The following RFTN1 variants were observed in gnomAD, a reference collection of about 807,000 sequenced individuals.
RFTN1 encodes raftlin, lipid raft linker 1.
Under a neutral mutation model 46.5 loss-of-function variants are expected in RFTN1, and 26 were observed. The observed-to-expected ratio is 0.56, with a 90% CI of 0.41 to 0.78. RFTN1 has a LOEUF of 0.78. RFTN1 is among the 30% of genes least tolerant of loss of function. The pLI, the probability that RFTN1 is intolerant of heterozygous loss-of-function variation, is 0.00. For synonymous variants in RFTN1, 261 were observed against 284.2 expected, an observed-to-expected ratio of 0.92 and a Z score of 0.82; for missense variants, 693 against 718.7, an observed-to-expected ratio of 0.96 and a Z score of 0.41.
At position 16,345,263 on chromosome 3, in the gene RFTN1, GTTGTGTGTGTGTGTGTGT is replaced by G. The variant is rs959855932; in HGVS notation, c.1146+12651_1146+12668del. On this transcript the variant is annotated intron_variant, in intron 7 of 9. Coordinates refer to ENST00000334133, the MANE Select transcript of RFTN1 (RefSeq NM_015150.2). The surrounding 1 kb of genome is among the most constrained non-coding windows in gnomAD (Gnocchi z 5.2). ...GAAACTGTAAGATAATAAGTAGGTG[GTTGTGTGTGTGTGTGTGT>G]GTGTGTGTGTGTGTGTGTGTTTAAA... The G allele has an allele frequency of 2.6e-5, 2 of 75,582 alleles. No homozygotes were observed. The highest frequency in any genetic ancestry group is 1.6e-4 in the African/African-American group (2 of 12,576). The allele number at this position is 75,582 out of a possible 1,614,324, so 4.7% of individuals were successfully genotyped here. A position where few individuals can be genotyped will look rare whatever the true frequency, so the allele number is the denominator to read the frequency against.
chr3:16,339,579 CA>C (rs762976448), intron 7 of RFTN1: 1 of 152,212 alleles, frequency 6.6e-6, no homozygotes, highest in Non-Finnish European at 1.5e-5. Flanking sequence ...TGAGACCTAC[CA>C]CGGGACAAAC....
At chr3:16,436,715 T>C (rs1004515529) in intron 2 of RFTN1, among the ~76,000 whole-genome samples, 3 of 152,222 alleles carry the variant, frequency 2.0e-5, no homozygotes, top group African/African-American at 7.2e-5. Context: ...TGAGATGCCA[T>C]ATATCATATG....
In RFTN1 at chr3:16,337,546, A is replaced by T. The variant is rs796673165; in HGVS notation, c.1147-10670T>A. Among the ~76,000 whole-genome samples, 17 of 151,998 alleles carry T rather than the reference A, an allele frequency of 1.1e-4. No individual in the cohort carries two copies. The highest frequency in any genetic ancestry group is 4.1e-4 in the African/African-American group (17 of 41,448). On this transcript the variant is annotated intron_variant, in intron 7 of 9. Coordinates refer to ENST00000334133, the MANE Select transcript of RFTN1 (RefSeq NM_015150.2). This position sits in a 1 kb window ranked among gnomAD's most constrained non-coding sequence, Gnocchi z 5.0. ...ATCATGAGGTCAGGAGATCGAGACCACCCTGGCCAACATGGTGAAACCTCG... is the reference window on the plus strand; with the variant it reads ...ATCATGAGGTCAGGAGATCGAGACCTCCCTGGCCAACATGGTGAAACCTCG...
At chr3:16,417,666 G>C (rs2075109113) in intron 3 of RFTN1, among the ~76,000 whole-genome samples, 2 of 152,178 alleles carry the variant, frequency 1.3e-5, no homozygotes, top group Admixed American at 6.5e-5. Flanking sequence ...TCTCCAGGCA[G>C]GGGAAGGGTC....
intron 1 of RFTN1, among the ~76,000 whole-genome samples, chr3:16,510,162 G>A (rs1345531406): frequency 6.6e-6 from 1 of 152,174 alleles, no homozygotes; most frequent in Non-Finnish European, 1.5e-5. Flanking sequence ...TCACAAGAGA[G>A]TCATTCTCTG....
rs541461305 is a variant in RFTN1, at chr3:16,426,139, C to G, written c.332+7712G>C. Among the ~76,000 whole-genome samples, 326 of 152,318 alleles carry G rather than the reference C, an allele frequency of 2.1e-3. 3 individuals are homozygous for G. Among genetic ancestry groups the G allele is most frequent in the Non-Finnish European group, 2.9e-3 (197 of 68,034 alleles). On this transcript the variant is annotated intron_variant, in intron 3 of 9. Transcript: ENST00000334133. This position sits in a 1 kb window ranked among gnomAD's most constrained non-coding sequence, Gnocchi z 5.9. ...TCCCATCACAGTAGCACGCATCAAT[C>G]AGTGCTAAACCCACCGTTACTTTCT...
chr3:16,492,537 A>C (rs1028118848), intron 2 of RFTN1, among the ~76,000 whole-genome samples: 1 of 152,214 alleles, frequency 6.6e-6, no homozygotes, highest in Non-Finnish European at 1.5e-5. Context: ...GCCAGGACTC[A>C]AATCCATGAG....
chr3:16,401,991 C>T (rs2074615542), intron 4 of RFTN1, among the ~76,000 whole-genome samples: 1 of 152,230 alleles, frequency 6.6e-6, no homozygotes, highest in Admixed American at 6.5e-5. Flanking sequence ...ACCCACATCT[C>T]TGTTCCTGGC....
intron 7 of RFTN1, among the ~76,000 whole-genome samples, 190 bp downstream of exon 7, chr3:16,357,742 G>T (rs956015315): frequency 6.6e-6 from 1 of 152,144 alleles, no homozygotes; most frequent in Non-Finnish European, 1.5e-5. Context: ...GAAGAGCGGG[G>T]CCCACCCCTA....
intron 2 of RFTN1, chr3:16,482,685 C>A: frequency 8.0e-7 from 1 of 1,248,978 alleles, no homozygotes; most frequent in Non-Finnish European, 1.1e-6. Flanking sequence ...ACACTGAGCA[C>A]CATGCATGCC....
chr3:16,488,300 T>C (rs2076483941), intron 2 of RFTN1, among the ~76,000 whole-genome samples: 1 of 152,174 alleles, frequency 6.6e-6, no homozygotes, highest in African/African-American at 2.4e-5. Flanking sequence ...GGTTTCTCCA[T>C]GTTGGTCAGG....
chr3:16,358,269 T>G (rs2072590416), intron 6 of RFTN1, among the ~76,000 whole-genome samples: 1 of 152,164 alleles, frequency 6.6e-6, no homozygotes, highest in African/African-American at 2.4e-5. Context: ...ATATCCTTGA[T>G]TTTATGAGCC....
rs939336028 is a variant in RFTN1 at position 16,361,094 on chromosome 3, C to T, written c.1031-3047G>A. Among the ~76,000 whole-genome samples, 1 of 152,158 alleles carries T rather than the reference C, an allele frequency of 6.6e-6. No individual in the cohort carries two copies. The highest frequency in any genetic ancestry group is 1.5e-5 in the Non-Finnish European group (1 of 68,028). ...ACAAATGACAAAGAATTTCCTTTTT[C>T]TCTCCTCTACAAGGCTCTTGAAGGC... On this transcript the variant is annotated intron_variant, in intron 6 of 9. Transcript: ENST00000334133. The surrounding 1 kb of genome is among the most constrained non-coding windows in gnomAD (Gnocchi z 4.3).
At chr3:16,510,797 C>T (rs184949364) in intron 1 of RFTN1, among the ~76,000 whole-genome samples, 3 of 152,302 alleles carry the variant, frequency 2.0e-5, no homozygotes, top group East Asian at 3.9e-4. Flanking sequence ...AATGAGAACA[C>T]ATGTCCCTAC....
At chr3:16,455,096 C>CT (rs1295385005) in intron 2 of RFTN1, among the ~76,000 whole-genome samples, 2 of 152,156 alleles carry the variant, frequency 1.3e-5, no homozygotes, top group African/African-American at 4.8e-5. Context: ...TGCAGCCAGG[C>CT]TTTGTCTCCA....
intron 7 of RFTN1, among the ~76,000 whole-genome samples, chr3:16,340,780 T>A (rs2071266396): frequency 6.6e-6 from 1 of 152,194 alleles, no homozygotes; most frequent in Admixed American, 6.5e-5. Flanking sequence ...CATCAAGAAT[T>A]TTCAAGGTGA....
intron 4 of RFTN1, among the ~76,000 whole-genome samples, chr3:16,401,043 G>A (rs1159198870): frequency 1.3e-5 from 2 of 152,098 alleles, no homozygotes; most frequent in African/African-American, 4.8e-5. Context: ...CAGGCATGGT[G>A]GCTCATGCCT....
chr3:16,358,698 T>C (rs1413191759), intron 6 of RFTN1, among the ~76,000 whole-genome samples: 2 of 152,112 alleles, frequency 1.3e-5, no homozygotes, highest in Non-Finnish European at 2.9e-5. Context: ...ATGAAATGTA[T>C]AGCATGATCA....
intron 4 of RFTN1, among the ~76,000 whole-genome samples, chr3:16,409,023 G>A (rs375769887): frequency 2.6e-5 from 4 of 152,326 alleles, no homozygotes; most frequent in African/African-American, 4.8e-5. Context: ...AAGGGGGCTT[G>A]CGGCAATGAA....
Sources: allele counts gnomAD v4.1 joint callset (sites outside exome capture counted in the v4.1 genomes callset), GRCh38; gene constraint gnomAD v4.1.1; non-coding constraint Gnocchi (gnomAD v3.1); transcripts MANE v1.5; gene names NCBI Gene and HGNC (gene_info 2026-07-23, HGNC 2026-07-21).